AAAS: variants seen among roughly 807,000 people sequenced by gnomAD.
AAAS encodes the protein aladin WD repeat nucleoporin, also known as aladin.
Under a neutral mutation model 75.6 loss-of-function variants are expected in AAAS, and 60 were observed. The ratio of observed to expected loss-of-function variants is 0.79; its 90% confidence interval spans 0.64 to 0.98. The LOEUF (loss-of-function observed/expected upper bound fraction) is 0.98. AAAS is among the 50% of genes least tolerant of loss of function. The pLI is 0.00. For missense variants in AAAS, 658 were observed against 686.9 expected (o/e 0.96, Z 0.47); for synonymous variants, 271 against 265.0 (o/e 1.02, Z -0.22).
chr12:53,317,085 G>A (rs1383529163), intron 2 of AAAS, among the ~76,000 whole-genome samples: 2 of 151,908 alleles, frequency 1.3e-5, no homozygotes, highest in Non-Finnish European at 1.5e-5. Flanking sequence ...GCAAGATGCT[G>A]TCTCAAAAAA....
chr12:53,307,601 C>G lies in AAAS; in HGVS notation c.1529G>C (p.Gly510Ala). 1 of 1,614,142 alleles carries G rather than the reference C, an allele frequency of 6.2e-7. No individual in the cohort carries two copies. Among genetic ancestry groups the G allele is most frequent in the Non-Finnish European group, 8.5e-7 (1 of 1,180,000 alleles). The change falls in exon 16 of 16, where the codon GGC becomes GCC. Residue 510 changes from glycine (G) to alanine (A), a missense_variant. Gly to Ala is a moderately conservative substitution (Grantham distance 60). Coordinates refer to ENST00000209873, the MANE Select transcript of AAAS (RefSeq NM_015665.6). ...AAAGAGGGGCAGGTCATGAATAGAG[C>G]CTCCACCCCCAGCAGGGGGTTCCTG... is the stretch of plus-strand genomic sequence containing the variant. The part of the protein sequence containing the change: ...RAQEPPAGGG[G>A]SIHDLPLFTE...
chr12:53,307,975 A>T, intron 14 of AAAS, 46 bp from the exon 15 acceptor site: 1 of 1,612,938 alleles, frequency 6.2e-7, no homozygotes, highest in African/African-American at 1.3e-5. Context: ...AAGGGAGCTG[A>T]ATGTAGTGGG....
chr12:53,312,557 C>G (rs966557019), intron 7 of AAAS, among the ~76,000 whole-genome samples: 1 of 84,338 alleles, frequency 1.2e-5, no homozygotes, highest in Non-Finnish European at 2.5e-5. Flanking sequence ...AGGAGTGAAA[C>G]TCCTTCTCAA....
intron 2 of AAAS, among the ~76,000 whole-genome samples, chr12:53,317,349 A>G (rs1461402555): frequency 6.6e-6 from 1 of 151,932 alleles, no homozygotes; most frequent in African/African-American, 2.4e-5. Context: ...CAAGGTCAAG[A>G]GATCAAGACC....
Position 53,307,913 on chromosome 12 carries a change from C to G in AAAS, c.1348G>C (p.Glu450Gln). The G allele has an allele frequency of 6.2e-7, 1 of 1,614,176 alleles. No individual in the cohort carries two copies. Among genetic ancestry groups the G allele is most frequent in the South Asian group, 1.1e-5 (1 of 91,090 alleles). ...ELLPCGIIQG[E>Q]PGAQPQLITF... is the part of the protein sequence containing the mutation. ...ATGAGCTGGGGCTGGGCTCCTGGCTCCCCCTGGATAATGCCACTAGAAGAA... is the reference window on the plus strand; with the variant it reads ...ATGAGCTGGGGCTGGGCTCCTGGCTGCCCCTGGATAATGCCACTAGAAGAA... Residue 450 changes from glutamate (E) to glutamine (Q), a missense_variant, in exon 15 of 16, where the codon GAG becomes CAG. Coordinates refer to ENST00000209873, the MANE Select transcript of AAAS (RefSeq NM_015665.6).
chr12:53,317,031 C>T lies in AAAS; in HGVS notation c.252-1249G>A, dbSNP rs575835973. ...CCTGGGGGCTGACAATGCAGTGAGCCGTGTTCCATGTTTGCGCCACTGCAC... is the reference window on the plus strand; with the variant it reads ...CCTGGGGGCTGACAATGCAGTGAGCTGTGTTCCATGTTTGCGCCACTGCAC... On this transcript the variant is annotated intron_variant, in intron 2 of 15. Coordinates refer to ENST00000209873, the MANE Select transcript of AAAS (RefSeq NM_015665.6). 4.0e-5 allele frequency among the ~76,000 whole-genome samples: 6 copies of T among 150,634 alleles called. No individual in the cohort carries two copies. The East Asian group carries it at 6.0e-4, about 15-fold the overall frequency.
intron 14 of AAAS, 31 bp downstream of exon 14, chr12:53,308,021 G>C (rs777653495): frequency 6.2e-7 from 1 of 1,613,842 alleles, no homozygotes; most frequent in East Asian, 2.2e-5. Context: ...CTGGTGAGAA[G>C]TCCAGACCTA....
At chr12:53,311,108 G>A (rs1204008179) in intron 7 of AAAS, among the ~76,000 whole-genome samples, 1 of 151,792 alleles carries the variant, frequency 6.6e-6, no homozygotes, top group African/African-American at 2.4e-5. Context: ...CGCCCAGCTA[G>A]TTTTTTTATT....
At position 53,308,813 on chromosome 12, in the gene AAAS, A is replaced by T; in HGVS notation, c.999T>A (p.Thr333=). Residue 333 remains threonine, a splice_region_variant and synonymous_variant, in exon 11 of 16, where the codon ACT becomes ACA. Coordinates refer to ENST00000209873, the MANE Select transcript of AAAS (RefSeq NM_015665.6). ...GGCTGCCATCTGGGCTCCAGCAGCCAGTCTGGGGTCAGGGAGCAAAAGGCA... is the reference window on the plus strand; with the variant it reads ...GGCTGCCATCTGGGCTCCAGCAGCCTGTCTGGGGTCAGGGAGCAAAAGGCA... ...RWPTLSGRCQ[T]GCWSPDGSRL... The T allele has an allele frequency of 6.2e-7, 1 of 1,614,072 alleles. No homozygotes were observed. Among genetic ancestry groups the T allele is most frequent in the South Asian group, 1.1e-5 (1 of 91,076 alleles).
chr12:53,319,946 C>A (rs756410049), intron 2 of AAAS, among the ~76,000 whole-genome samples: 1 of 150,386 alleles, frequency 6.6e-6, no homozygotes. Flanking sequence ...CATGGAGAAA[C>A]CCTGTCTCTA....
rs866419415 is a variant in AAAS at position 53,321,383 on chromosome 12, C to T, written c.83G>A (p.Gly28Asp). ...GGGGGGCGGGCTCTCATAGCTACTG[C>T]CCGTCACCAGCTCGTTATTGTGCTC... is the stretch of plus-strand genomic sequence containing the variant. ...LYEHNNELVT[G>D]SSYESPPPDF... The change falls in exon 1 of 16, where the codon GGC becomes GAC. Residue 28 changes from glycine to aspartate, a missense_variant. By Grantham distance (94) the Gly-to-Asp change is moderately conservative. Transcript: ENST00000209873. 1 of 1,614,188 alleles carries T rather than the reference C, an allele frequency of 6.2e-7. No homozygotes were observed. Among genetic ancestry groups the T allele is most frequent in the African/African-American group, 1.3e-5 (1 of 75,062 alleles).
At chr12:53,316,151 A>G (rs540112333) in intron 2 of AAAS, among the ~76,000 whole-genome samples, 3 of 152,344 alleles carry the variant, frequency 2.0e-5, no homozygotes, top group African/African-American at 4.8e-5. Context: ...TTAGAGAGTG[A>G]TAAGAATAGA....
At position 53,309,413 on chromosome 12, in the gene AAAS, G is replaced by A. The variant is rs191643696; in HGVS notation, c.811-132C>T. On this transcript the variant is annotated intron_variant, in intron 8 of 15. Coordinates refer to ENST00000209873, the MANE Select transcript of AAAS (RefSeq NM_015665.6). ...AGGGACTGTGAAACATGAGGCACGG[G>A]TTCATGCTGACAATTACAGACAGCG... 2.4e-4 allele frequency: 362 copies of A among 1,508,706 alleles called. 2 individuals are homozygous for A. In the East Asian group the frequency reaches 7.9e-3, roughly 33 times the overall value. The allele number at this position is 1,508,706 out of a possible 1,614,324, so 93.5% of individuals were successfully genotyped here.
chr12:53,314,543 C>T (rs1189791902), intron 6 of AAAS, 102 bp from the exon 7 acceptor site: 3 of 1,534,796 alleles, frequency 2.0e-6, no homozygotes, highest in Non-Finnish European at 2.7e-6. Flanking sequence ...AAGGATGATC[C>T]ATCCAGGGGC....
Position 53,307,871 on chromosome 12 carries a change from A to C in AAAS, c.1390T>G (p.Phe464Val). The part of the protein sequence containing the change: ...QPQLITFHPS[F>V]NKGALLSVGW... ...ACACTGAGCAGGGCCCCTTTGTTGA[A>C]GGAAGGATGGAAAGTGATGAGCTGG... The change falls in exon 15 of 16, where the codon TTC becomes GTC. Residue 464 changes from phenylalanine (F) to valine (V), a missense_variant. Transcript: ENST00000209873. 1.2e-6 allele frequency: 2 copies of C among 1,614,210 alleles called. No individual in the cohort carries two copies. The highest frequency in any genetic ancestry group is 1.7e-6 in the Non-Finnish European group (2 of 1,180,038).
rs1483975958 is a variant in AAAS at position 53,308,534 on chromosome 12, G to T, written c.1088-6C>A. ...AACGCACCCCTTTCCCTCACCTGTGGACAAATAAGAGCAGAGAGGTTCTTG... is the reference window on the plus strand; with the variant it reads ...AACGCACCCCTTTCCCTCACCTGTGTACAAATAAGAGCAGAGAGGTTCTTG... On this transcript the variant is annotated splice_region_variant and splice_polypyrimidine_tract_variant and intron_variant, in intron 11 of 15. Transcript: ENST00000209873. The T allele has an allele frequency of 1.6e-5, 26 of 1,613,904 alleles. No individual in the cohort carries two copies. The highest frequency in any genetic ancestry group is 4.0e-5 in the African/African-American group (3 of 74,874).
intron 2 of AAAS, among the ~76,000 whole-genome samples, chr12:53,317,374 G>A (rs1480768340): frequency 2.0e-5 from 3 of 151,928 alleles, no homozygotes; most frequent in East Asian, 1.9e-4. Flanking sequence ...TGGCTAACAC[G>A]GTGAAACCCC....
intron 1 of AAAS, 45 bp from the exon 2 acceptor site, chr12:53,320,737 C>A (rs1199079416): frequency 1.9e-6 from 3 of 1,608,390 alleles, no homozygotes; most frequent in Admixed American, 1.7e-5. Context: ...CAGTCTCTTC[C>A]CAAATCTTTA....
intron 13 of AAAS, 47 bp from the exon 14 acceptor site, chr12:53,308,180 G>A (rs1330983015): frequency 1.9e-6 from 3 of 1,611,850 alleles, no homozygotes; most frequent in African/African-American, 2.7e-5. Context: ...TGAAGGCAGA[G>A]TCCCAGGACA....
Sources: gnomAD v4.1 joint callset for allele counts (sites outside exome capture counted in the v4.1 genomes callset) on GRCh38, gnomAD v4.1.1 for gene constraint, MANE v1.5 for transcripts, NCBI Gene and HGNC (gene_info 2026-07-23, HGNC 2026-07-21) for gene names.